Variants in PLA2G5 observed in about 807,000 individuals in gnomAD.
The protein encoded by PLA2G5 is phospholipase A2 group V, also known as Ca2+-dependent phospholipase A2.
A neutral mutation model predicts 15.9 loss-of-function variants in PLA2G5; 12 were observed. The ratio of observed to expected loss-of-function variants is 0.76; its 90% CI spans 0.48 to 1.23. The LOEUF is 1.23. Ranked by LOEUF, PLA2G5 falls within the 50% of genes most tolerant of loss-of-function variation. The probability of loss-of-function intolerance (pLI) is 0.00; values close to 1 mark genes in which losing one functional copy is unlikely to be tolerated. For synonymous variants in PLA2G5, 71 were observed against 71.4 expected (o/e 0.99, Z 0.03); for missense variants, 169 against 177.1 (o/e 0.95, Z 0.26).
At chr1:20,061,535 G>A (rs998142489) in intron 2 of PLA2G5, among the ~76,000 whole-genome samples, 13 of 147,118 alleles carry the variant, frequency 8.8e-5, no homozygotes, top group African/African-American at 2.3e-4. Flanking sequence ...GCAGTGAGCC[G>A]TGATTGCACC....
At chr1:20,029,266 C>T (rs576781828) in intron 1 of PLA2G5, among the ~76,000 whole-genome samples, 1 of 152,288 alleles carries the variant, frequency 6.6e-6, no homozygotes, top group East Asian at 1.9e-4. Flanking sequence ...TGTAGTTCTG[C>T]TGTTTTGGTG....
chr1:20,053,125 G>A (rs12022795), intron 1 of PLA2G5, among the ~76,000 whole-genome samples: 9,013 of 152,272 alleles, frequency 0.059, 482 homozygotes, highest in East Asian at 0.25. Context: ...TCGTGGATGT[G>A]TGTCATCAAT....
At chr1:20,060,247 C>CTTTTTTTTTTTTTTTTTTTTTTT (rs71585739) in intron 2 of PLA2G5, among the ~76,000 whole-genome samples, 1 of 83,690 alleles carries the variant, frequency 1.2e-5, no homozygotes, top group African/African-American at 4.8e-5. Flanking sequence ...CTTTTTTCTT[C>CTTTTTTTTTTTTTTTTTTTTTTT]TTTTTTTTTT....
intron 1 of PLA2G5, among the ~76,000 whole-genome samples, chr1:20,033,857 G>A (rs1026974615): frequency 5.3e-5 from 8 of 151,936 alleles, no homozygotes; most frequent in East Asian, 3.9e-4. Flanking sequence ...AGATACTTCC[G>A]GCTGTGAATT....
intron 1 of PLA2G5, 148 bp from the exon 2 acceptor site, chr1:20,084,673 A>T: frequency 7.5e-6 from 5 of 665,588 alleles, no homozygotes; most frequent in Admixed American, 4.8e-5. Context: ...TTTTTGCCTC[A>T]TCTTTTCTGG....
At chr1:20,079,994 G>C (rs1327609224) in intron 1 of PLA2G5, among the ~76,000 whole-genome samples, 3 of 152,196 alleles carry the variant, frequency 2.0e-5, no homozygotes, top group Non-Finnish European at 4.4e-5. Context: ...AAAAAGTTGG[G>C]GGTTGGCAAG....
At chr1:20,044,566 A>G (rs1226036625) in intron 1 of PLA2G5, among the ~76,000 whole-genome samples, 1 of 152,180 alleles carries the variant, frequency 6.6e-6, no homozygotes, top group African/African-American at 2.4e-5. Flanking sequence ...AAGAGCCTAA[A>G]TGCTAACTGA....
chr1:20,069,663 A>AAAAGAAAGAAAG (rs57068796), upstream of PLA2G5, among the ~76,000 whole-genome samples: 487 of 142,576 alleles, frequency 3.4e-3, 2 homozygotes, highest in African/African-American at 7.2e-3. Flanking sequence ...CTCAGCTCAG[A>AAAAGAAAGAAAG]AAAGAAAGAA....
chr1:20,049,348 GT>G (rs2014070636), intron 1 of PLA2G5, among the ~76,000 whole-genome samples: 1 of 152,174 alleles, frequency 6.6e-6, no homozygotes, highest in African/African-American at 2.4e-5. Context: ...TGAGCTTGAT[GT>G]AAAAAACTCA....
rs567961458 is a variant in PLA2G5 at position 20,052,887 on chromosome 1, G to A, written n.277-6745G>A. 1.8e-3 allele frequency among the ~76,000 whole-genome samples: 278 copies of A among 152,244 alleles called. 1 individual carries two copies. The highest frequency in any genetic ancestry group is 2.9e-3 in the Non-Finnish European group (196 of 68,032). The stretch of plus-strand genomic sequence containing the variant: ...TTGCCTCCTTTAGAGAGGCTAATGC[G>A]AAACTCAAAAGAATGCCACCATCTG... On this transcript the variant is annotated intron_variant and non_coding_transcript_variant, in intron 1 of 6. Coordinates refer to the PLA2G5 transcript ENST00000460175.
chr1:20,059,592 A>G (rs2014604727), intron 1 of PLA2G5: 1 of 152,242 alleles, frequency 6.6e-6, no homozygotes, highest in Non-Finnish European at 1.5e-5. Flanking sequence ...GAGGTTATCT[A>G]TGAACTGGCT....
intron 2 of PLA2G5, among the ~76,000 whole-genome samples, chr1:20,064,490 G>C (rs531789274): frequency 5.4e-4 from 82 of 151,952 alleles, no homozygotes; most frequent in South Asian, 6.3e-4. Flanking sequence ...TGGCAGGATC[G>C]CTTGAACCTG....
At chr1:20,034,831 AC>A (rs1009901938) in intron 1 of PLA2G5, among the ~76,000 whole-genome samples, 1 of 152,158 alleles carries the variant, frequency 6.6e-6, no homozygotes, top group African/African-American at 2.4e-5. Flanking sequence ...GGCCATGGTC[AC>A]CTGGTGACTG....
intron 1 of PLA2G5, among the ~76,000 whole-genome samples, chr1:20,084,493 C>T (rs1477377522): frequency 6.6e-6 from 1 of 152,206 alleles, no homozygotes; most frequent in Non-Finnish European, 1.5e-5. Context: ...GCCACCAAAT[C>T]TCCATTTAAG....
intron 1 of PLA2G5, among the ~76,000 whole-genome samples, chr1:20,039,460 C>A (rs1446548827): frequency 6.6e-6 from 1 of 152,142 alleles, no homozygotes; most frequent in African/African-American, 2.4e-5. Context: ...ACTTGGAGAA[C>A]TATTCCACAA....
At chr1:20,071,609 A>T (rs1275688093) in intron 1 of PLA2G5, among the ~76,000 whole-genome samples, 1 of 152,140 alleles carries the variant, frequency 6.6e-6, no homozygotes, top group Non-Finnish European at 1.5e-5. Context: ...GGGCAGGGCG[A>T]TGGATTCACA....
intron 1 of PLA2G5, among the ~76,000 whole-genome samples, chr1:20,073,431 A>T (rs2015490001): frequency 6.6e-6 from 1 of 152,224 alleles, no homozygotes; most frequent in African/African-American, 2.4e-5. Context: ...TGTGCATGCT[A>T]GGCTGACACC....
chr1:20,040,577 TACAC>T (rs60942082), intron 1 of PLA2G5, among the ~76,000 whole-genome samples: 59,838 of 150,524 alleles, frequency 0.4, 12,630 homozygotes, highest in Middle Eastern at 0.53. Context: ...AGCTGACAAA[TACAC>T]ACACACACAC....
In PLA2G5 at chr1:20,089,907, G is replaced by A. The variant is rs1265293684; in HGVS notation, c.292+12G>A. On this transcript the variant is annotated intron_variant, in intron 4 of 4. Transcript: ENST00000375108. ...CGTGGTCACCTGCGGTAAGGCTGGG[G>A]CTTCCCGTTCGGGCCATTGGAAGAG... 6 of 1,594,994 alleles carry A rather than the reference G, an allele frequency of 3.8e-6. No homozygotes were observed. Among genetic ancestry groups the A allele is most frequent in the Non-Finnish European group, 5.2e-6 (6 of 1,164,538 alleles).
Sources: gnomAD v4.1 joint callset for allele counts (sites outside exome capture counted in the v4.1 genomes callset) on GRCh38, gnomAD v4.1.1 for gene constraint, MANE v1.5 for transcripts, NCBI Gene and HGNC (gene_info 2026-07-23, HGNC 2026-07-21) for gene names.